The following ADD3 variants were observed in gnomAD, a reference collection of about 807,000 sequenced individuals.
ADD3 encodes adducin 3, also known as gamma-adducin.
In ADD3, 25 loss-of-function variants were observed where a neutral mutation model predicts 80.2. The observed-to-expected ratio is 0.31, with a 90% CI of 0.23 to 0.44. The LOEUF is 0.44. Ranked by LOEUF, ADD3 falls within the 20% of genes least tolerant of loss-of-function variation. The probability of loss-of-function intolerance (pLI) is 1.00; values close to 1 mark genes in which losing one functional copy is unlikely to be tolerated. For synonymous variants in ADD3, 284 were observed against 289.6 expected (o/e 0.98, Z 0.20); for missense variants, 829 against 847.5 (o/e 0.98, Z 0.27).
At chr10:110,042,790 C>T (rs1453996857) in intron 1 of ADD3, among the ~76,000 whole-genome samples, 5 of 151,044 alleles carry the variant, frequency 3.3e-5, no homozygotes, top group Admixed American at 2.0e-4. Flanking sequence ...TTCTATCATC[C>T]AGTTATTTCA....
At chr10:110,122,821 A>G (rs981076729) in intron 9 of ADD3, among the ~76,000 whole-genome samples, 13 of 151,312 alleles carry the variant, frequency 8.6e-5, no homozygotes, top group African/African-American at 3.2e-4. Context: ...TTGTAGAGAT[A>G]GGGTTTCTCC....
chr10:110,102,426 TA>T (rs1848925433), intron 2 of ADD3, among the ~76,000 whole-genome samples: 1 of 152,048 alleles, frequency 6.6e-6, no homozygotes, highest in South Asian at 2.1e-4. Flanking sequence ...CTGGGCAACA[TA>T]GTGAGACCCA....
At chr10:110,116,504 A>C in intron 4 of ADD3, 94 bp downstream of exon 4, 1 of 1,305,584 alleles carries the variant, frequency 7.7e-7, no homozygotes, top group Non-Finnish European at 1.1e-6. Context: ...CAGTTTTCAG[A>C]CTTATTCTCT....
At chr10:110,073,159 T>TC (rs963589429) in intron 1 of ADD3, among the ~76,000 whole-genome samples, 17 of 147,028 alleles carry the variant, frequency 1.2e-4, no homozygotes, top group Non-Finnish European at 2.5e-4. Context: ...TTTTTTTTTT[T>TC]CGAGACTGGG....
chr10:110,109,381 T>C (rs1316632738), intron 2 of ADD3, among the ~76,000 whole-genome samples: 2 of 152,246 alleles, frequency 1.3e-5, no homozygotes, highest in African/African-American at 4.8e-5. Context: ...CATTCCTGGC[T>C]CTGTCTACCT....
At chr10:110,006,760 T>G, upstream of ADD3, among the ~76,000 whole-genome samples, 1 of 143,024 alleles carries the variant, frequency 7.0e-6, no homozygotes, top group African/African-American at 2.6e-5. Context: ...AGGGGGGGGA[T>G]GAAGATGAGG....
intron 1 of ADD3, among the ~76,000 whole-genome samples, chr10:110,064,669 C>A (rs2133560058): frequency 6.6e-6 from 1 of 152,170 alleles, no homozygotes; most frequent in African/African-American, 2.4e-5. Context: ...TGTTAACATC[C>A]ATTCTTAAAA....
chr10:110,035,422 A>C (rs1327410822), intron 1 of ADD3, among the ~76,000 whole-genome samples: 1 of 152,214 alleles, frequency 6.6e-6, no homozygotes, highest in Non-Finnish European at 1.5e-5. Context: ...TTGCTTGGTG[A>C]GGAAGCCTAA....
intron 1 of ADD3, among the ~76,000 whole-genome samples, chr10:110,063,360 T>G (rs1268204118): frequency 6.6e-6 from 1 of 152,186 alleles, no homozygotes; most frequent in African/African-American, 2.4e-5. Context: ...ATTTCAGACC[T>G]AAATTTTCTT....
chr10:110,064,356 C>G (rs975363767), intron 1 of ADD3, among the ~76,000 whole-genome samples: 2 of 152,166 alleles, frequency 1.3e-5, no homozygotes, highest in African/African-American at 4.8e-5. Flanking sequence ...CATACCAACT[C>G]TGAGTTCCAG....
intron 1 of ADD3, among the ~76,000 whole-genome samples, chr10:110,058,767 T>A (rs1858518454): frequency 6.6e-6 from 1 of 152,250 alleles, no homozygotes; most frequent in South Asian, 2.1e-4. Context: ...TGGAATATGA[T>A]CTGCTGATGT....
intron 1 of ADD3, among the ~76,000 whole-genome samples, chr10:110,038,431 G>C (rs193008772): frequency 6.6e-6 from 1 of 152,182 alleles, no homozygotes; most frequent in African/African-American, 2.4e-5. Flanking sequence ...TGGGACAGCA[G>C]CGTAAAAACA....
At chr10:110,041,151 A>T (rs1278312585) in intron 1 of ADD3, among the ~76,000 whole-genome samples, 1 of 152,230 alleles carries the variant, frequency 6.6e-6, no homozygotes, top group Admixed American at 6.5e-5. Flanking sequence ...TGAACAGCAG[A>T]CCACAGCAGG....
chr10:110,133,191 T>C (rs1853275820), intron 14 of ADD3, 135 bp from the exon 15 acceptor site: 1 of 854,280 alleles, frequency 1.2e-6, no homozygotes, highest in Non-Finnish European at 1.7e-6. Flanking sequence ...GATCACAGTT[T>C]ATTAAAATAA....
upstream of ADD3, among the ~76,000 whole-genome samples, chr10:110,001,684 T>A (rs1225333973): frequency 2.0e-5 from 3 of 152,098 alleles, no homozygotes; most frequent in African/African-American, 7.2e-5. Flanking sequence ...AGATTTTTTT[T>A]TAAAAAAAGT....
At chr10:110,106,848 A>C (rs901949021) in intron 2 of ADD3, among the ~76,000 whole-genome samples, 1 of 152,138 alleles carries the variant, frequency 6.6e-6, no homozygotes, top group African/African-American at 2.4e-5. Context: ...AAAGTTTATA[A>C]CATTCAATGA....
At chr10:110,032,195 T>G (rs538881445) in intron 1 of ADD3, among the ~76,000 whole-genome samples, 2 of 152,322 alleles carry the variant, frequency 1.3e-5, no homozygotes, top group East Asian at 1.9e-4. Flanking sequence ...ATAAGCATAT[T>G]AAGCTGGATA....
chr10:110,047,183 G>T (rs1010370339), intron 1 of ADD3, among the ~76,000 whole-genome samples: 3 of 152,188 alleles, frequency 2.0e-5, no homozygotes, highest in African/African-American at 7.2e-5. Flanking sequence ...CTTTAGGGCA[G>T]TTGTAAAAGT....
At chr10:110,082,753 A>G (rs776317460) in intron 1 of ADD3, among the ~76,000 whole-genome samples, 13 of 152,184 alleles carry the variant, frequency 8.5e-5, no homozygotes, top group Non-Finnish European at 1.8e-4. Context: ...TGCTCTTTTT[A>G]TGTATGTATT....
Sources: allele counts gnomAD v4.1 joint callset (sites outside exome capture counted in the v4.1 genomes callset), GRCh38; gene constraint gnomAD v4.1.1; transcripts MANE v1.5; gene names NCBI Gene and HGNC (gene_info 2026-07-23, HGNC 2026-07-21).